Variants in CARS1 observed in about 807,000 individuals in gnomAD.
The protein encoded by CARS1 is cysteine--tRNA ligase, cytoplasmic.
A neutral mutation model predicts 106.2 loss-of-function variants in CARS1; 48 were observed. That is an observed-to-expected ratio of 0.45 (90% CI 0.36 to 0.57). CARS1 has a LOEUF of 0.57. Among genes scored for constraint, CARS1 ranks in the 20% least tolerant of loss-of-function variants. The probability of loss-of-function intolerance (pLI) is 0.00; values close to 1 mark genes in which losing one functional copy is unlikely to be tolerated. For synonymous variants in CARS1, 409 were observed against 403.4 expected (o/e 1.01, Z -0.17); for missense variants, 968 against 1,057.2 (o/e 0.92, Z 1.17).
intron 1 of CARS1, among the ~76,000 whole-genome samples, chr11:3,051,296 C>T (rs950690173): frequency 3.3e-5 from 5 of 152,356 alleles, no homozygotes; most frequent in Non-Finnish European, 5.9e-5. Context: ...CCACTGAAGG[C>T]GCCTGGGGGG....
intron 9 of CARS1, 126 bp from the exon 10 acceptor site, chr11:3,026,923 G>A (rs553153310): frequency 8.7e-6 from 9 of 1,038,814 alleles, no homozygotes; most frequent in African/African-American, 1.6e-5. Context: ...TACTCTCTGT[G>A]GTGGCCACTG....
At chr11:3,049,601 T>C (rs921783350) in intron 1 of CARS1, among the ~76,000 whole-genome samples, 2 of 152,228 alleles carry the variant, frequency 1.3e-5, no homozygotes, top group Non-Finnish European at 1.5e-5. Context: ...AAAGGACCGA[T>C]GCTTGCTCCT....
intron 16 of CARS1, among the ~76,000 whole-genome samples, chr11:3,016,218 T>C (rs1401003906): frequency 2.9e-5 from 4 of 138,106 alleles, no homozygotes; most frequent in East Asian, 2.0e-4. Flanking sequence ...CTGGTTTTGC[T>C]TCTCTTTTTT....
In CARS1 at chr11:3,034,696, ATT is replaced by A. The variant is rs934453544; in HGVS notation, c.801+3352_801+3353del. 2.1e-5 allele frequency among the ~76,000 whole-genome samples: 3 copies of A among 145,556 alleles called. No individual in the cohort carries two copies. Among genetic ancestry groups the A allele is most frequent in the African/African-American group, 7.7e-5 (3 of 38,852 alleles). The stretch of plus-strand genomic sequence containing the variant: ...AGGCACACGCCACAACACCCAGCTA[ATT>A]TTTTTTTTTTTATTTTTAGTAGAGA... On this transcript the variant is annotated intron_variant, in intron 7 of 22. Coordinates refer to ENST00000380525, the MANE Select transcript of CARS1 (RefSeq NM_001014437.3). The surrounding 1 kb of genome is among the most constrained non-coding windows in gnomAD (Gnocchi z 6.3).
chr11:3,018,381 AC>A (rs1245456138), intron 14 of CARS1, 26 bp downstream of exon 14: 2 of 1,508,470 alleles, frequency 1.3e-6, no homozygotes, highest in Non-Finnish European at 1.8e-6. Flanking sequence ...TGCTCCACCA[AC>A]CTCCAGGAAG....
rs1246529513 is a variant in CARS1 at position 3,029,692 on chromosome 11, G to C, written c.802-249C>G. On this transcript the variant is annotated intron_variant, in intron 7 of 22. Transcript: ENST00000380525. This position sits in a 1 kb window ranked among gnomAD's most constrained non-coding sequence, Gnocchi z 5.9. ...CAAAGCCAAGGGGACTGTGGGTGCA[G>C]AGGCAAAAAGAGGTGGGAGGGCCGA... The C allele has an allele frequency of 3.9e-6, 2 of 513,010 alleles. No homozygotes were observed. The highest frequency in any genetic ancestry group is 3.8e-5 in the African/African-American group (2 of 52,292). 31.8% of individuals were successfully genotyped at this position (513,010 alleles called of 1,614,324 possible).
chr11:3,034,639 C>T lies in CARS1; in HGVS notation c.801+3411G>A, dbSNP rs2134225468. On this transcript the variant is annotated intron_variant, in intron 7 of 22. Coordinates refer to ENST00000380525, the MANE Select transcript of CARS1 (RefSeq NM_001014437.3). This position sits in a 1 kb window ranked among gnomAD's most constrained non-coding sequence, Gnocchi z 6.3. ...CTGACTCCCTGGTTCAAGGGATTCTCCCACCTCAGCCTCCCAAGTAGCTGG... is the reference window on the plus strand; with the variant it reads ...CTGACTCCCTGGTTCAAGGGATTCTTCCACCTCAGCCTCCCAAGTAGCTGG... 1.3e-5 allele frequency among the ~76,000 whole-genome samples: 2 copies of T among 152,308 alleles called. No homozygotes were observed. Among genetic ancestry groups the T allele is most frequent in the South Asian group, 4.1e-4 (2 of 4,822 alleles).
Position 3,053,420 on chromosome 11 carries a change from G to A in CARS1, c.25+3923C>T, listed in dbSNP as rs534858869. Among the ~76,000 whole-genome samples the A allele has an allele frequency of 2.6e-5, 4 of 152,028 alleles. No homozygotes were observed. Among genetic ancestry groups the A allele is most frequent in the Admixed American group, 6.5e-5 (1 of 15,274 alleles). ...TAATTTTTGTATTTTTAGTAGAGAC[G>A]GGGTTTCTACATATTGGCCAGGCTG... On this transcript the variant is annotated intron_variant, in intron 1 of 22. Transcript: ENST00000380525. The surrounding 1 kb of genome is among the most constrained non-coding windows in gnomAD (Gnocchi z 6.6).
At position 3,004,085 on chromosome 11, in the gene CARS1, A is replaced by ACAGCACAGCACGG. The variant is rs1353558444; in HGVS notation, c.2217+1268_2217+1280dup. 6.6e-6 allele frequency among the ~76,000 whole-genome samples: 1 copy of ACAGCACAGCACGG among 152,158 alleles called. No individual in the cohort carries two copies. Among genetic ancestry groups the ACAGCACAGCACGG allele is most frequent in the Non-Finnish European group, 1.5e-5 (1 of 68,018 alleles). On this transcript the variant is annotated intron_variant, in intron 20 of 22. Transcript: ENST00000380525. The surrounding 1 kb of genome is among the most constrained non-coding windows in gnomAD (Gnocchi z 5.2). ...TGCACAGCCAGCACCAGGCCACCTC[A>ACAGCACAGCACGG]CAGCACAGCACGGCAGGCGAGACCC...
intron 1 of CARS1, 76 bp downstream of exon 1, chr11:3,057,267 C>T: frequency 7.7e-7 from 1 of 1,306,370 alleles, no homozygotes; most frequent in Non-Finnish European, 1.1e-6. Context: ...TAAGGACTCG[C>T]TGCCCTTCGA....
chr11:3,001,133 T>C lies in CARS1; in HGVS notation c.2477A>G (p.Gln826Arg). 6.2e-7 allele frequency: 1 copy of C among 1,614,102 alleles called. No individual in the cohort carries two copies. Among genetic ancestry groups the C allele is most frequent in the Non-Finnish European group, 8.5e-7 (1 of 1,180,012 alleles). Residue 826 changes from glutamine (Q) to arginine (R), a missense_variant, in exon 23 of 23, where the codon CAG becomes CGG. Physicochemically the swap from Gln to Arg is conservative, Grantham distance 43 (BLOSUM62 1). Coordinates refer to ENST00000380525, the MANE Select transcript of CARS1 (RefSeq NM_001014437.3). ...KLYKEYLQMA[Q>R]NGSFQ ...GCCCCCTCACTGGAAGCTTCCATTC[T>C]GGGCCATCTGCAGATATTCCTTGTA...
chr11:3,028,981 G>T lies in CARS1; in HGVS notation c.1031+15C>A. 1 of 1,592,982 alleles carries T rather than the reference G, an allele frequency of 6.3e-7. No homozygotes were observed. The highest frequency in any genetic ancestry group is 8.6e-7 in the Non-Finnish European group (1 of 1,160,984). ...CTGCAGCCCTTCCCTCCCTAGGGAA[G>T]GCCCTTGTGCTTACCCGTAACCGTT... On this transcript the variant is annotated intron_variant, in intron 9 of 22. Coordinates refer to ENST00000380525, the MANE Select transcript of CARS1 (RefSeq NM_001014437.3). This position sits in a 1 kb window ranked among gnomAD's most constrained non-coding sequence, Gnocchi z 4.4.
chr11:3,017,582 G>A lies in CARS1; in HGVS notation c.1727+275C>T, dbSNP rs1851169525. 1 of 557,632 alleles carries A rather than the reference G, an allele frequency of 1.8e-6. No individual in the cohort carries two copies. The highest frequency in any genetic ancestry group is 3.2e-6 in the Non-Finnish European group (1 of 314,762). The allele number at this position is 557,632 out of a possible 1,614,324, so 34.5% of individuals were successfully genotyped here. A position where few individuals can be genotyped will look rare whatever the true frequency, so the allele number is the denominator to read the frequency against. On this transcript the variant is annotated intron_variant, in intron 15 of 22. Coordinates refer to ENST00000380525, the MANE Select transcript of CARS1 (RefSeq NM_001014437.3). This position sits in a 1 kb window ranked among gnomAD's most constrained non-coding sequence, Gnocchi z 4.9. ...CGCTCGAACCCGGGAGGTGGAGGTTGTGGTGAGCCGAGATCACGCCACTGC... is the reference window on the plus strand; with the variant it reads ...CGCTCGAACCCGGGAGGTGGAGGTTATGGTGAGCCGAGATCACGCCACTGC...
intron 17 of CARS1, among the ~76,000 whole-genome samples, chr11:3,014,806 T>C (rs1850830063): frequency 6.6e-6 from 1 of 152,222 alleles, no homozygotes; most frequent in Non-Finnish European, 1.5e-5. Context: ...ACGGACTGTT[T>C]TCTCTTTGCA....
At chr11:3,007,036 GGGAA>G in intron 18 of CARS1, 77 bp from the exon 19 acceptor site, 1 of 1,197,444 alleles carries the variant, frequency 8.4e-7, no homozygotes, top group Non-Finnish European at 1.2e-6. Context: ...TCCAGTGCTG[GGGAA>G]GGAGGGGCCG....
chr11:3,002,404 G>A, intron 21 of CARS1, 137 bp downstream of exon 21: 1 of 1,483,660 alleles, frequency 6.7e-7, no homozygotes, highest in Non-Finnish European at 9.1e-7. Context: ...GGGTGGTGGA[G>A]GCAGAAAGCG....
intron 21 of CARS1, 110 bp from the exon 22 acceptor site, chr11:3,002,163 A>G (rs1333940600): frequency 1.3e-6 from 1 of 774,864 alleles, no homozygotes; most frequent in Non-Finnish European, 2.2e-6. Flanking sequence ...CCAAGCCCTC[A>G]GATTCAGAGT....
chr11:3,012,338 T>A, intron 17 of CARS1, 62 bp from the exon 18 acceptor site: 1 of 1,454,640 alleles, frequency 6.9e-7, no homozygotes, highest in Non-Finnish European at 9.7e-7. Context: ...CATAACAGAA[T>A]AATAGCTCAG....
At position 3,018,481 on chromosome 11, in the gene CARS1, T is replaced by C. The variant is rs766676110; in HGVS notation, c.1556A>G (p.His519Arg). 1.3e-5 allele frequency: 21 copies of C among 1,613,800 alleles called. No homozygotes were observed. The highest frequency in any genetic ancestry group is 1.7e-5 in the Non-Finnish European group (20 of 1,179,888). ...GTAGTCCAGGGTGTCCTTCCACGAG[T>C]GCATGAGGAAGGCCAGCCGCAACTG... Reference protein sequence around the residue: ...ARQLRLAFLMHSWKDTLDYSS... With the variant: ...ARQLRLAFLMRSWKDTLDYSS... The change falls in exon 14 of 23, where the codon CAC (histidine) becomes CGC (arginine). Residue 519 changes from histidine to arginine, a missense_variant. Coordinates refer to ENST00000380525, the MANE Select transcript of CARS1 (RefSeq NM_001014437.3).
Sources: gnomAD v4.1 joint callset for allele counts (sites outside exome capture counted in the v4.1 genomes callset) on GRCh38, gnomAD v4.1.1 for gene constraint, Gnocchi (gnomAD v3.1) non-coding constraint, MANE v1.5 for transcripts, NCBI Gene and HGNC (gene_info 2026-07-23, HGNC 2026-07-21) for gene names.